Variants in UBR3 observed in about 807,000 individuals in gnomAD.
UBR3 encodes the protein ubiquitin protein ligase E3 component n-recognin 3.
Under a neutral mutation model 243.2 loss-of-function variants are expected in UBR3, and 85 were observed. That is an observed-to-expected ratio of 0.35 (90% CI 0.29 to 0.42). The LOEUF (loss-of-function observed/expected upper bound fraction) is 0.42, where lower values mean the gene tolerates loss of function less well. Ranked by LOEUF, UBR3 falls within the 10% of genes least tolerant of loss-of-function variation. UBR3 has a pLI of 1.00. For missense variants in UBR3, 1,686 were observed against 2,300.8 expected, an observed-to-expected ratio of 0.73 and a Z score of 5.47; for synonymous variants, 748 against 799.8, an observed-to-expected ratio of 0.94 and a Z score of 1.09.
intron 31 of UBR3, among the ~76,000 whole-genome samples, chr2:170,038,300 C>G (rs2631): frequency 1.3e-5 from 2 of 152,036 alleles, no homozygotes; most frequent in Admixed American, 6.6e-5. Context: ...TTAAGTGAGA[C>G]TCTTTTAAAC....
At chr2:170,080,092 A>G (rs2091881820) in intron 37 of UBR3, 69 bp downstream of exon 37, 2 of 1,360,920 alleles carry the variant, frequency 1.5e-6, no homozygotes, top group Admixed American at 4.1e-5. Flanking sequence ...TGGTCAAGCC[A>G]TCTCTTCATA....
intron 10 of UBR3, among the ~76,000 whole-genome samples, chr2:169,912,878 T>C (rs2085308106): frequency 6.6e-6 from 1 of 151,996 alleles, no homozygotes; most frequent in Non-Finnish European, 1.5e-5. Context: ...AATCCTGGGC[T>C]CAAGCAGCCC....
intron 17 of UBR3, among the ~76,000 whole-genome samples, chr2:169,927,741 G>T (rs550875718): frequency 5.9e-5 from 9 of 152,124 alleles, no homozygotes; most frequent in Non-Finnish European, 1.0e-4. Flanking sequence ...CATTTTGTCT[G>T]TGTAGCCAGG....
intron 10 of UBR3, among the ~76,000 whole-genome samples, chr2:169,911,671 T>G (rs1486600098): frequency 6.6e-6 from 1 of 152,132 alleles, no homozygotes; most frequent in African/African-American, 2.4e-5. Context: ...CTTGTCAAAT[T>G]GTTCTCCAGA....
At chr2:170,054,395 C>T (rs1170705039) in intron 32 of UBR3, among the ~76,000 whole-genome samples, 2 of 152,006 alleles carry the variant, frequency 1.3e-5, no homozygotes, top group East Asian at 1.9e-4. Context: ...GATTCTCCTG[C>T]CTCAGCCTCC....
chr2:169,980,320 A>G (rs1313029292), intron 24 of UBR3, among the ~76,000 whole-genome samples: 1 of 152,216 alleles, frequency 6.6e-6, no homozygotes, highest in East Asian at 1.9e-4. Context: ...CTAGATAAAG[A>G]TGGAATTATA....
At chr2:169,957,296 C>A (rs992288024) in intron 23 of UBR3, among the ~76,000 whole-genome samples, 7 of 150,688 alleles carry the variant, frequency 4.6e-5, no homozygotes, top group African/African-American at 1.5e-4. Flanking sequence ...CAACCAGTTG[C>A]AATTAAAATA....
At chr2:169,995,139 GTATA>G (rs1434702095) in intron 26 of UBR3, among the ~76,000 whole-genome samples, 7 of 152,022 alleles carry the variant, frequency 4.6e-5, no homozygotes, top group African/African-American at 1.7e-4. Context: ...AATTTATAAA[GTATA>G]TGATAATTAT....
intron 29 of UBR3, 149 bp from the exon 30 acceptor site, chr2:170,015,132 T>G (rs2090197241): frequency 1.8e-6 from 1 of 557,834 alleles, no homozygotes; most frequent in Non-Finnish European, 3.1e-6. Flanking sequence ...ATCAGATAAA[T>G]ATGATTATTA....
chr2:169,995,548 C>T (rs2089447252), intron 26 of UBR3, among the ~76,000 whole-genome samples: 1 of 152,180 alleles, frequency 6.6e-6, no homozygotes, highest in Non-Finnish European at 1.5e-5. Context: ...CTTAAAGTCA[C>T]AGTTTCCAAG....
At chr2:170,000,329 T>G (rs1158367991) in intron 26 of UBR3, among the ~76,000 whole-genome samples, 1 of 152,172 alleles carries the variant, frequency 6.6e-6, no homozygotes, top group African/African-American at 2.4e-5. Context: ...GAGAACAAAT[T>G]TGAGTTAAGG....
intron 1 of UBR3, among the ~76,000 whole-genome samples, chr2:169,850,469 G>A (rs116577569): frequency 0.01 from 1,502 of 143,632 alleles, 31 homozygotes; most frequent in African/African-American, 0.035. Flanking sequence ...ATGGGCCACC[G>A]CACCCGGCCT....
At chr2:169,885,606 A>G (rs912342429) in intron 5 of UBR3, among the ~76,000 whole-genome samples, 4 of 151,976 alleles carry the variant, frequency 2.6e-5, no homozygotes, top group Non-Finnish European at 5.9e-5. Flanking sequence ...AAACAAAAAG[A>G]AAACATTTAC....
intron 24 of UBR3, among the ~76,000 whole-genome samples, chr2:169,970,793 A>G (rs1229000866): frequency 5.0e-5 from 7 of 140,798 alleles, no homozygotes; most frequent in Admixed American, 1.5e-4. Context: ...ATACGTGTGC[A>G]TGTGTCTTTA....
chr2:169,901,930 C>T (rs1261324720), intron 8 of UBR3, among the ~76,000 whole-genome samples: 2 of 152,188 alleles, frequency 1.3e-5, no homozygotes, highest in African/African-American at 4.8e-5. Context: ...CCTTTCCTCC[C>T]TGCATATCAA....
At chr2:170,042,717 A>T (rs1396651517) in intron 32 of UBR3, among the ~76,000 whole-genome samples, 1 of 149,282 alleles carries the variant, frequency 6.7e-6, no homozygotes, top group Admixed American at 6.7e-5. Context: ...AAGTTTTTGA[A>T]CACTTTTTTT....
chr2:170,060,385 CATT>C (rs1049651201), intron 33 of UBR3, among the ~76,000 whole-genome samples: 2 of 151,944 alleles, frequency 1.3e-5, no homozygotes, highest in Non-Finnish European at 2.9e-5. Flanking sequence ...TACTTAATGT[CATT>C]ATCTGAATAT....
At chr2:170,005,807 G>A (rs1445489893) in intron 27 of UBR3, among the ~76,000 whole-genome samples, 1 of 152,126 alleles carries the variant, frequency 6.6e-6, no homozygotes, top group East Asian at 1.9e-4. Context: ...GACTTGGAGT[G>A]ATGAGGAAAA....
intron 8 of UBR3, among the ~76,000 whole-genome samples, chr2:169,897,058 C>T (rs1559071071): frequency 6.6e-6 from 1 of 151,948 alleles, no homozygotes; most frequent in Non-Finnish European, 1.5e-5. Flanking sequence ...TGTGTAATGA[C>T]TATATTTATA....
Sources: gnomAD v4.1 joint callset for allele counts (sites outside exome capture counted in the v4.1 genomes callset) on GRCh38, gnomAD v4.1.1 for gene constraint, MANE v1.5 for transcripts, NCBI Gene and HGNC (gene_info 2026-07-23, HGNC 2026-07-21) for gene names.